Variants in GSE1 observed in about 807,000 individuals in gnomAD.
GSE1 encodes Gse1 coiled-coil protein.
GSE1 carries 32 observed loss-of-function variants against 112.6 expected under a neutral mutation model. That is an observed-to-expected ratio of 0.28 (90% CI 0.21 to 0.38). GSE1 has a LOEUF of 0.38. GSE1 is among the 10% of genes least tolerant of loss of function. The pLI, the probability that GSE1 is intolerant of heterozygous loss-of-function variation, is 1.00. For missense variants in GSE1, 2,348 were observed against 1,699.2 expected (o/e 1.38, Z -6.71); for synonymous variants, 1,115 against 735.6 (o/e 1.52, Z -8.35).
intron 1 of GSE1, among the ~76,000 whole-genome samples, chr16:85,231,927 T>C (rs1904290357): frequency 6.6e-6 from 1 of 152,238 alleles, no homozygotes; most frequent in African/African-American, 2.4e-5. Context: ...TGTTGACATC[T>C]GGTGGGTGTC....
chr16:85,209,392 C>A (rs934343533), intron 1 of GSE1, among the ~76,000 whole-genome samples: 2 of 152,128 alleles, frequency 1.3e-5, no homozygotes, highest in South Asian at 4.1e-4. Context: ...CTCCCGTGCC[C>A]CCGCCCCTGC....
At chr16:85,404,974 A>G (rs1322324729) in intron 2 of GSE1, among the ~76,000 whole-genome samples, 1 of 17,276 alleles carries the variant, frequency 5.8e-5, no homozygotes, top group Non-Finnish European at 9.3e-5. Context: ...GATAATCCTC[A>G]CTGTTACACT....
intron 1 of GSE1, among the ~76,000 whole-genome samples, chr16:85,564,316 C>T (rs1567593879): frequency 1.3e-5 from 2 of 152,272 alleles, no homozygotes; most frequent in East Asian, 1.9e-4. Context: ...TTACAAGACT[C>T]AGCACATTAG....
chr16:85,607,182 A>G (rs1363068079), upstream of GSE1, among the ~76,000 whole-genome samples: 1 of 152,082 alleles, frequency 6.6e-6, no homozygotes, highest in Non-Finnish European at 1.5e-5. Flanking sequence ...GGTTGGGGTC[A>G]GGGAGCCCAG....
intron 2 of GSE1, among the ~76,000 whole-genome samples, chr16:85,473,153 C>T (rs192665713): frequency 4.6e-5 from 7 of 152,388 alleles, no homozygotes; most frequent in East Asian, 1.9e-4. Context: ...CTTTGTTCCA[C>T]GGCCTATTTG....
intron 1 of GSE1, among the ~76,000 whole-genome samples, chr16:85,272,099 C>T (rs1908893708): frequency 6.6e-6 from 1 of 152,248 alleles, no homozygotes; most frequent in African/African-American, 2.4e-5. Flanking sequence ...TCCTGCGTTC[C>T]CATCATCGTC....
In GSE1 at chr16:85,340,566, G is replaced by A. The variant is rs1164394109; in HGVS notation, c.2284-16897G>A. 7.2e-5 allele frequency among the ~76,000 whole-genome samples: 11 copies of A among 152,120 alleles called. No homozygotes were observed. In the East Asian group the frequency reaches 1.2e-3, roughly 16 times the overall value. ...TGAGGCAGGAGAATCGCTTGAACCC[G>A]GGAGGAAGAGGTTGCAGTGAGCCAA... On this transcript the variant is annotated intron_variant, in intron 1 of 2. Transcript: ENST00000637419.
chr16:85,412,503 C>A (rs1180175519), intron 2 of GSE1, among the ~76,000 whole-genome samples: 8 of 58,376 alleles, frequency 1.4e-4, no homozygotes, highest in Middle Eastern at 0.01. Context: ...CTCAGGGCCC[C>A]CCTGGATAAT....
At chr16:85,615,697 A>T (rs1016184355) in intron 1 of GSE1, among the ~76,000 whole-genome samples, 3 of 152,198 alleles carry the variant, frequency 2.0e-5, no homozygotes, top group African/African-American at 7.2e-5. Flanking sequence ...GCAGGCTCTG[A>T]GCTGTTTGGG....
chr16:85,464,441 C>A (rs181348706), intron 2 of GSE1, among the ~76,000 whole-genome samples: 1 of 152,358 alleles, frequency 6.6e-6, no homozygotes, highest in African/African-American at 2.4e-5. Context: ...GATCACGGCT[C>A]CCCTCTGCCT....
At chr16:85,387,856 A>G (rs951240954) in intron 2 of GSE1, among the ~76,000 whole-genome samples, 2 of 152,196 alleles carry the variant, frequency 1.3e-5, no homozygotes, top group Admixed American at 6.5e-5. Context: ...GCATGGACGG[A>G]TGATTGGATG....
At chr16:85,227,302 T>C (rs1409781080) in intron 1 of GSE1, among the ~76,000 whole-genome samples, 1 of 152,210 alleles carries the variant, frequency 6.6e-6, no homozygotes, top group Non-Finnish European at 1.5e-5. Context: ...TGCAGTGGTT[T>C]AGTGAGCACC....
At position 85,261,652 on chromosome 16, in the gene GSE1, C is replaced by G. The variant is rs564592021; in HGVS notation, c.2283+89845C>G. 1.8e-4 allele frequency among the ~76,000 whole-genome samples: 28 copies of G among 152,288 alleles called. No homozygotes were observed. The East Asian group carries it at 5.2e-3, about 28-fold the overall frequency. ...GGCTGGGCATTGATGGGTTCCCGACCATCTTGAGGCCACTGACTTTCGGCA... is the reference window on the plus strand; with the variant it reads ...GGCTGGGCATTGATGGGTTCCCGACGATCTTGAGGCCACTGACTTTCGGCA... On this transcript the variant is annotated intron_variant, in intron 1 of 2. Transcript: ENST00000637419.
chr16:85,248,989 G>C (rs769431584), intron 1 of GSE1, among the ~76,000 whole-genome samples: 8 of 152,196 alleles, frequency 5.3e-5, no homozygotes, highest in Non-Finnish European at 8.8e-5. Context: ...GGAACTTGGG[G>C]CGGGGGAGAC....
intron 2 of GSE1, among the ~76,000 whole-genome samples, chr16:85,469,326 G>C (rs2050216436): frequency 6.6e-6 from 1 of 152,112 alleles, no homozygotes; most frequent in Non-Finnish European, 1.5e-5. Flanking sequence ...AGAAAACACA[G>C]ACACAGGGGC....
chr16:85,595,539 C>T (rs1053006969), intron 1 of GSE1: 4 of 152,178 alleles, frequency 2.6e-5, no homozygotes, highest in African/African-American at 9.7e-5. Flanking sequence ...CCTGAAAACC[C>T]TCTGATGCCT....
chr16:85,201,800 C>T (rs2075034181), intron 1 of GSE1, among the ~76,000 whole-genome samples: 1 of 152,166 alleles, frequency 6.6e-6, no homozygotes. Flanking sequence ...GCCGCGTAGC[C>T]TTTTGTCTGT....
intron 2 of GSE1, among the ~76,000 whole-genome samples, chr16:85,521,081 A>G (rs1263017354): frequency 6.6e-6 from 1 of 151,902 alleles, no homozygotes; most frequent in African/African-American, 2.4e-5. Flanking sequence ...CTCAGGGATC[A>G]ACATGCTCAT....
intron 2 of GSE1, among the ~76,000 whole-genome samples, chr16:85,635,713 G>T (rs749213850): frequency 6.6e-6 from 1 of 152,192 alleles, no homozygotes; most frequent in Non-Finnish European, 1.5e-5. Context: ...CGGGCGGCAC[G>T]TGACTGGCGC....
Sources: gnomAD v4.1 joint callset for allele counts (sites outside exome capture counted in the v4.1 genomes callset) on GRCh38, gnomAD v4.1.1 for gene constraint, MANE v1.5 for transcripts, NCBI Gene and HGNC (gene_info 2026-07-23, HGNC 2026-07-21) for gene names.